CIP2A: variants seen among roughly 807,000 people sequenced by gnomAD.
CIP2A encodes the protein protein CIP2A.
Under a neutral mutation model 110.9 loss-of-function variants are expected in CIP2A, and 103 were observed. The ratio of observed to expected loss-of-function variants is 0.93; its 90% confidence interval spans 0.79 to 1.09. The LOEUF (loss-of-function observed/expected upper bound fraction) is 1.09. Ranked by LOEUF, CIP2A falls within the 50% of genes least tolerant of loss-of-function variation. The probability of loss-of-function intolerance (pLI) is 0.00; values close to 1 mark genes in which losing one functional copy is unlikely to be tolerated. For missense variants in CIP2A, 1,088 were observed against 1,038.4 expected (o/e 1.05, Z -0.66); for synonymous variants, 381 against 361.6 (o/e 1.05, Z -0.61).
chr3:108,567,782 T>A (rs1011713858), intron 10 of CIP2A, among the ~76,000 whole-genome samples: 2 of 151,916 alleles, frequency 1.3e-5, no homozygotes, highest in Non-Finnish European at 2.9e-5. Context: ...AAAATGGCAC[T>A]ACTGATCGTC....
Position 108,589,392 on chromosome 3 carries a change from C to T in CIP2A, c.-17G>A, listed in dbSNP as rs776446505. On this transcript the variant is annotated 5_prime_UTR_variant, in exon 1 of 21. Coordinates refer to ENST00000295746, the MANE Select transcript of CIP2A (RefSeq NM_020890.3). ...GGAGTCCATTGCACCGGCCGCGGCC[C>T]GGCTTAGGGACCACCACCGCCCAGC... The T allele has an allele frequency of 4.4e-6, 7 of 1,591,936 alleles. No individual in the cohort carries two copies. Among genetic ancestry groups the T allele is most frequent in the Non-Finnish European group, 6.0e-6 (7 of 1,163,306 alleles).
intron 12 of CIP2A, 64 bp downstream of exon 12, chr3:108,565,291 A>C (rs1166494234): frequency 1.3e-6 from 1 of 794,128 alleles, no homozygotes; most frequent in Non-Finnish European, 2.1e-6. Context: ...ATATTAAAAC[A>C]GAAACTTATA....
chr3:108,581,867 T>C (rs1452634611), intron 4 of CIP2A, among the ~76,000 whole-genome samples: 1 of 152,210 alleles, frequency 6.6e-6, no homozygotes, highest in Admixed American at 6.5e-5. Flanking sequence ...ATTTTTCTTA[T>C]GAAAATTAAA....
At chr3:108,580,609 G>A (rs1187147596) in intron 5 of CIP2A, among the ~76,000 whole-genome samples, 3 of 151,732 alleles carry the variant, frequency 2.0e-5, no homozygotes, top group Non-Finnish European at 4.4e-5. Context: ...TAAAGAATCA[G>A]TGACTTGCTT....
intron 8 of CIP2A, among the ~76,000 whole-genome samples, chr3:108,572,742 C>T (rs181099319): frequency 1.4e-5 from 2 of 143,480 alleles, no homozygotes; most frequent in African/African-American, 2.4e-5. Context: ...ATTTTCTATA[C>T]TCTCACGTCA....
intron 8 of CIP2A, chr3:108,575,189 G>A (rs1938533132): frequency 6.6e-6 from 1 of 151,862 alleles, no homozygotes; most frequent in South Asian, 2.1e-4. Context: ...ACATTATGTT[G>A]AACCAAAGAA....
At position 108,550,745 on chromosome 3, in the gene CIP2A, T is replaced by A. The variant is rs2083886391; in HGVS notation, c.*404A>T. 1 of 152,028 alleles carries A rather than the reference T, an allele frequency of 6.6e-6. No homozygotes were observed. Among genetic ancestry groups the A allele is most frequent in the South Asian group, 2.1e-4 (1 of 4,830 alleles). The allele number at this position is 152,028 out of a possible 1,614,324, so 9.4% of individuals were successfully genotyped here. A position where few individuals can be genotyped will look rare whatever the true frequency, so the allele number is the denominator to read the frequency against. Reference sequence around the variant, plus strand: ...TTTACTTTTACTCTCTCTATATTTTTATTTTGTAATCTTTAGGACTGTTAT... The same window carrying A: ...TTTACTTTTACTCTCTCTATATTTTAATTTTGTAATCTTTAGGACTGTTAT... On this transcript the variant is annotated 3_prime_UTR_variant, in exon 21 of 21. Transcript: ENST00000295746.
At chr3:108,583,701 T>A (rs185296985) in intron 2 of CIP2A, among the ~76,000 whole-genome samples, 286 of 152,278 alleles carry the variant, frequency 1.9e-3, no homozygotes, top group Non-Finnish European at 2.8e-3. Flanking sequence ...AGTTCTAATG[T>A]TTGATAGTAG....
At chr3:108,559,320 AG>A (rs1937919411) in intron 16 of CIP2A, among the ~76,000 whole-genome samples, 1 of 152,152 alleles carries the variant, frequency 6.6e-6, no homozygotes, top group Non-Finnish European at 1.5e-5. Flanking sequence ...TAAAAAGGGA[AG>A]GGTGATTAGT....
rs772072160 is a variant in CIP2A, at chr3:108,583,040, A to T, written c.294T>A (p.Asn98Lys). Residue 98 changes from asparagine to lysine, a missense_variant, in exon 3 of 21, where the codon AAT (asparagine) becomes AAA (lysine). Coordinates refer to ENST00000295746, the MANE Select transcript of CIP2A (RefSeq NM_020890.3). The part of the protein sequence containing the change: ...ETRDCLQNTY[N>K]LNSVLAGVVC... ...CCACTCCCGCCAGCACACTATTCAG[A>T]TTATATGTATTCTGAAGACAATCTC... The T allele has an allele frequency of 2.5e-6, 4 of 1,605,406 alleles. 1 individual carries two copies. The African/African-American group carries it at 5.4e-5, about 22-fold the overall frequency.
intron 17 of CIP2A, among the ~76,000 whole-genome samples, chr3:108,555,433 A>G (rs1025328844): frequency 3.3e-5 from 5 of 152,200 alleles, no homozygotes; most frequent in African/African-American, 1.2e-4. Context: ...AACAAACTTA[A>G]GAGTACCAGT....
chr3:108,580,492 T>A (rs1297642064), intron 5 of CIP2A, among the ~76,000 whole-genome samples: 4 of 143,316 alleles, frequency 2.8e-5, no homozygotes, highest in African/African-American at 1.0e-4. Context: ...ACCTCCAAAG[T>A]AAGACCAGGG....
In CIP2A at chr3:108,550,022, T is replaced by A. The variant is rs546956312; in HGVS notation, c.*1127A>T. 5 of 152,000 alleles carry A rather than the reference T, an allele frequency of 3.3e-5. No individual in the cohort carries two copies. Among genetic ancestry groups the A allele is most frequent in the East Asian group, 1.9e-4 (1 of 5,202 alleles). The allele number at this position is 152,000 out of a possible 1,614,324, so 9.4% of individuals were successfully genotyped here. A position where few individuals can be genotyped will look rare whatever the true frequency, so the allele number is the denominator to read the frequency against. On this transcript the variant is annotated 3_prime_UTR_variant, in exon 21 of 21. Coordinates refer to ENST00000295746, the MANE Select transcript of CIP2A (RefSeq NM_020890.3). ...ATGTTTTACTCTGCATAATATTTTTTAAAAAATTTCCAGAACTGTACAAAT... is the reference window on the plus strand; with the variant it reads ...ATGTTTTACTCTGCATAATATTTTTAAAAAAATTTCCAGAACTGTACAAAT...
intron 19 of CIP2A, 99 bp downstream of exon 19, chr3:108,553,549 A>G: frequency 9.5e-7 from 1 of 1,057,054 alleles, no homozygotes; most frequent in Non-Finnish European, 1.3e-6. Flanking sequence ...TTTAAAGTTT[A>G]AAACAATAAG....
chr3:108,566,705 T>C (rs1027318499), intron 10 of CIP2A, 67 bp from the exon 11 acceptor site: 1 of 999,092 alleles, frequency 1.0e-6, no homozygotes, highest in Non-Finnish European at 1.4e-6. Flanking sequence ...ACATTCAGGA[T>C]GATTTCATAC....
In CIP2A at chr3:108,576,270, C is replaced by A; in HGVS notation, c.894+1G>T. ...AAATGAAAAGTCATGTTTTTACATACCTTTGAAGAGGAATCAGGATCCTTT... is the reference window on the plus strand; with the variant it reads ...AAATGAAAAGTCATGTTTTTACATAACTTTGAAGAGGAATCAGGATCCTTT... On this transcript the variant is annotated splice_donor_variant, in intron 8 of 20. Transcript: ENST00000295746. LOFTEE classifies it high-confidence loss of function. The A allele has an allele frequency of 1.3e-6, 2 of 1,535,844 alleles. No individual in the cohort carries two copies. Among genetic ancestry groups the A allele is most frequent in the Non-Finnish European group, 1.8e-6 (2 of 1,138,526 alleles).
chr3:108,575,289 T>C lies in CIP2A; in HGVS notation c.894+982A>G, dbSNP rs140831644. On this transcript the variant is annotated intron_variant, in intron 8 of 20. Coordinates refer to ENST00000295746, the MANE Select transcript of CIP2A (RefSeq NM_020890.3). ...GTGTATATACACACACACGTGTACG[T>C]ACACACACGTGTACGTACACACACG... Among the ~76,000 whole-genome samples, 284 of 130,268 alleles carry C rather than the reference T, an allele frequency of 2.2e-3. 3 individuals carry two copies. Among genetic ancestry groups the C allele is most frequent in the Middle Eastern group, 7.2e-3 (2 of 276 alleles). 85.5% of individuals were successfully genotyped at this position (130,268 alleles called of 152,430 possible).
chr3:108,588,943 T>C (rs565118485), intron 1 of CIP2A, among the ~76,000 whole-genome samples: 42 of 152,320 alleles, frequency 2.8e-4, no homozygotes, highest in African/African-American at 9.9e-4. Context: ...TAGTTGTGTA[T>C]TGAGGGCTTG....
At chr3:108,551,846 T>C (rs904086934) in intron 20 of CIP2A, among the ~76,000 whole-genome samples, 3 of 152,150 alleles carry the variant, frequency 2.0e-5, no homozygotes, top group Admixed American at 1.3e-4. Flanking sequence ...GATTCACTTA[T>C]TAGCTGTGTG....
Sources: gnomAD v4.1 joint callset for allele counts (sites outside exome capture counted in the v4.1 genomes callset) on GRCh38, gnomAD v4.1.1 for gene constraint, MANE v1.5 for transcripts, NCBI Gene and HGNC (gene_info 2026-07-23, HGNC 2026-07-21) for gene names.